IL33: variants seen among roughly 807,000 people sequenced by gnomAD.
The protein encoded by IL33 is interleukin 33.
IL33 carries 37 observed loss-of-function variants against 27.3 expected under a neutral mutation model. The ratio of observed to expected loss-of-function variants is 1.36; its 90% CI spans 1.04 to 1.78. The LOEUF is 1.78. Among genes scored for constraint, IL33 ranks in the 40% most tolerant of loss-of-function variants. The pLI is 0.00. For missense variants in IL33, 406 were observed against 311.4 expected, an observed-to-expected ratio of 1.30 and a Z score of -2.29; for synonymous variants, 132 against 102.9, an observed-to-expected ratio of 1.28 and a Z score of -1.71.
At chr9:6,246,700 T>C (rs1329541815) in intron 2 of IL33, among the ~76,000 whole-genome samples, 1 of 152,200 alleles carries the variant, frequency 6.6e-6, no homozygotes, top group Non-Finnish European at 1.5e-5. Context: ...CTGATAAAAA[T>C]GATGAAGTTC....
chr9:6,252,292 T>C (rs1816443782), intron 4 of IL33, among the ~76,000 whole-genome samples: 1 of 151,780 alleles, frequency 6.6e-6, no homozygotes, highest in Non-Finnish European at 1.5e-5. Flanking sequence ...CCCATCTGAG[T>C]AGTCCCTAAA....
chr9:6,244,595 G>A (rs968071224), intron 2 of IL33, among the ~76,000 whole-genome samples: 1 of 152,022 alleles, frequency 6.6e-6, no homozygotes, highest in East Asian at 1.9e-4. Context: ...TTTCACTGTG[G>A]GTAACTGAAA....
chr9:6,255,871 T>C (rs531316418), intron 7 of IL33, 97 bp from the exon 8 acceptor site: 1 of 945,362 alleles, frequency 1.1e-6, no homozygotes, highest in East Asian at 2.4e-5. Flanking sequence ...TATCAAGTCA[T>C]AAATAAGTAT....
rs1164141659 is a variant in IL33 at position 6,257,624 on chromosome 9, A to G, written c.*1456A>G. The G allele has an allele frequency of 6.6e-6, 1 of 152,628 alleles. No individual in the cohort carries two copies. The highest frequency in any genetic ancestry group is 1.5e-5 in the Non-Finnish European group (1 of 68,032). The allele number at this position is 152,628 out of a possible 1,614,324, so 9.5% of individuals were successfully genotyped here. Reference sequence around the variant, plus strand: ...TTCTTAGACTTAACACTTATGATAAATGACTAACATAGTAACAGAATCTTT... The same window carrying G: ...TTCTTAGACTTAACACTTATGATAAGTGACTAACATAGTAACAGAATCTTT... On this transcript the variant is annotated 3_prime_UTR_variant, in exon 8 of 8. Coordinates refer to ENST00000682010, the MANE Select transcript of IL33 (RefSeq NM_033439.4).
In IL33 at chr9:6,253,577, G is replaced by A. The variant is rs565203196; in HGVS notation, c.495G>A (p.Glu165=). The A allele has an allele frequency of 1.2e-6, 2 of 1,609,214 alleles. No individual in the cohort carries two copies. The highest frequency in any genetic ancestry group is 1.1e-5 in the South Asian group (1 of 90,492). ...ATAAGGTGTTACTGAGTTACTATGA[G>A]TCTCAACACCCCTCAAATGAATCAG... ...KKDKVLLSYY[E]SQHPSNESGD... is the part of the protein sequence containing the mutation. Residue 165 remains glutamate, a synonymous_variant, in exon 6 of 8, where the codon GAG becomes GAA. Coordinates refer to ENST00000682010, the MANE Select transcript of IL33 (RefSeq NM_033439.4).
chr9:6,241,002 C>G (rs1413365325), intron 1 of IL33, among the ~76,000 whole-genome samples: 1 of 151,984 alleles, frequency 6.6e-6, no homozygotes, highest in African/African-American at 2.4e-5. Context: ...CACAAACACA[C>G]ACACCCTAGT....
rs149473323 is a variant in IL33, at chr9:6,256,169, T to G, written c.*1T>G. The G allele has an allele frequency of 1.9e-6, 3 of 1,610,990 alleles. No individual in the cohort carries two copies. The highest frequency in any genetic ancestry group is 2.2e-5 in the East Asian group (1 of 44,866). On this transcript the variant is annotated 3_prime_UTR_variant, in exon 8 of 8. Coordinates refer to ENST00000682010, the MANE Select transcript of IL33 (RefSeq NM_033439.4). ...CTTGTTTAAGCTCTCTGAAACTTAGTTGATGGAAACCTGTGAGTCTTGGGT... is the reference window on the plus strand; with the variant it reads ...CTTGTTTAAGCTCTCTGAAACTTAGGTGATGGAAACCTGTGAGTCTTGGGT...
chr9:6,256,922 G>A lies in IL33; in HGVS notation c.*754G>A, dbSNP rs186844938. The A allele has an allele frequency of 2.0e-5, 3 of 152,176 alleles. No individual in the cohort carries two copies. The highest frequency in any genetic ancestry group is 7.2e-5 in the African/African-American group (3 of 41,528). The allele number at this position is 152,176 out of a possible 1,614,324, so 9.4% of individuals were successfully genotyped here. ...AAGCAAGGCATTCTTACACGAGGAA[G>A]TGAAGTAAATTTTAGTTCAGACATA... On this transcript the variant is annotated 3_prime_UTR_variant, in exon 8 of 8. Coordinates refer to ENST00000682010, the MANE Select transcript of IL33 (RefSeq NM_033439.4).
Position 6,256,523 on chromosome 9 carries a change from G to C in IL33, c.*355G>C. 2.6e-6 allele frequency: 1 copy of C among 391,418 alleles called. No homozygotes were observed. The highest frequency in any genetic ancestry group is 4.5e-6 in the Non-Finnish European group (1 of 220,358). The allele number at this position is 391,418 out of a possible 1,614,324, so 24.2% of individuals were successfully genotyped here. On this transcript the variant is annotated 3_prime_UTR_variant, in exon 8 of 8. Coordinates refer to ENST00000682010, the MANE Select transcript of IL33 (RefSeq NM_033439.4). ...CACTGAGGAAAGAGCCATAGCTTAA[G>C]TCTCTATGTAGACAGGGATCCATTT... is the stretch of plus-strand genomic sequence containing the variant.
intron 1 of IL33, among the ~76,000 whole-genome samples, chr9:6,227,717 T>C (rs930440494): frequency 6.6e-6 from 1 of 152,210 alleles, no homozygotes; most frequent in Non-Finnish European, 1.5e-5. Context: ...ACTGATGGTA[T>C]ATGAACTGAG....
rs147177744 is a variant in IL33, at chr9:6,251,169, G to C, written c.247G>C (p.Ala83Pro). ...AAAGCACAAAAGACATCTGGTACTC[G>C]CTGCCTGTCAACAGCAGTCTACTGT... is the stretch of plus-strand genomic sequence containing the variant. ...GRKHKRHLVL[A>P]ACQQQSTVEC... The change falls in exon 4 of 8, where the codon GCT becomes CCT. Residue 83 changes from alanine to proline, a missense_variant. Transcript: ENST00000682010. 22 of 1,613,674 alleles carry C rather than the reference G, an allele frequency of 1.4e-5. No individual in the cohort carries two copies. The highest frequency in any genetic ancestry group is 1.7e-5 in the Non-Finnish European group (20 of 1,179,808).
intron 4 of IL33, among the ~76,000 whole-genome samples, chr9:6,251,495 A>G (rs1816356070): frequency 6.6e-6 from 1 of 152,140 alleles, no homozygotes; most frequent in Non-Finnish European, 1.5e-5. Flanking sequence ...TTATTTTGAA[A>G]TACTTGCAAT....
chr9:6,234,594 G>A (rs1044177292), intron 1 of IL33, among the ~76,000 whole-genome samples: 1 of 152,144 alleles, frequency 6.6e-6, no homozygotes, highest in African/African-American at 2.4e-5. Flanking sequence ...AATCTCTGGG[G>A]CCCTTACTCA....
chr9:6,243,725 T>C (rs1819665024), intron 2 of IL33, among the ~76,000 whole-genome samples: 2 of 152,328 alleles, frequency 1.3e-5, no homozygotes, highest in South Asian at 4.1e-4. Context: ...AATGGAGCCT[T>C]GGTGAACAGG....
chr9:6,248,082 G>A (rs996305380), intron 2 of IL33, among the ~76,000 whole-genome samples: 7 of 151,968 alleles, frequency 4.6e-5, no homozygotes, highest in Admixed American at 3.3e-4. Context: ...AGAATATAAG[G>A]AGTGAGTGTT....
intron 1 of IL33, among the ~76,000 whole-genome samples, chr9:6,222,941 A>T (rs1234222806): frequency 6.6e-6 from 1 of 152,196 alleles, no homozygotes; most frequent in African/African-American, 2.4e-5. Flanking sequence ...TATCATACAC[A>T]TAAACTAATA....
intron 2 of IL33, among the ~76,000 whole-genome samples, chr9:6,247,411 T>G (rs1481714380): frequency 1.3e-5 from 2 of 152,170 alleles, no homozygotes; most frequent in Admixed American, 1.3e-4. Context: ...AAATCCGTGC[T>G]TGGGGAAGAA....
At chr9:6,251,113 C>T in intron 3 of IL33, 27 bp from the exon 4 acceptor site, 1 of 1,608,528 alleles carries the variant, frequency 6.2e-7, no homozygotes, top group Non-Finnish European at 8.5e-7. Context: ...GATTGATGGT[C>T]TATCCCTAAT....
Position 6,256,132 on chromosome 9 carries a change from T to A in IL33, c.777T>A (p.Cys259Ter), listed in dbSNP as rs1469484378. 1 of 1,613,482 alleles carries A rather than the reference T, an allele frequency of 6.2e-7. No homozygotes were observed. The highest frequency in any genetic ancestry group is 8.5e-7 in the Non-Finnish European group (1 of 1,179,578). Residue 259 changes from cysteine (C) to a stop codon, truncating the protein, a stop_gained, in exon 8 of 8, where the codon TGT becomes TGA. Transcript: ENST00000682010. LOFTEE classifies it high-confidence loss of function. ...LIKVDSSENLCTENILFKLSE... is the reference protein window; with the variant it reads ...LIKVDSSENL The stretch of plus-strand genomic sequence containing the variant: ...AAGTAGACTCTTCTGAGAATTTGTG[T>A]ACTGAAAATATCTTGTTTAAGCTCT...
Sources: allele counts gnomAD v4.1 joint callset (sites outside exome capture counted in the v4.1 genomes callset), GRCh38; gene constraint gnomAD v4.1.1; transcripts MANE v1.5; gene names NCBI Gene and HGNC (gene_info 2026-07-23, HGNC 2026-07-21).